RALGAPA2: variants seen among roughly 807,000 people sequenced by gnomAD.
RALGAPA2 encodes ral GTPase-activating protein subunit alpha-2.
Under a neutral mutation model 230.4 loss-of-function variants are expected in RALGAPA2, and 139 were observed. The ratio of observed to expected loss-of-function variants is 0.60; its 90% CI spans 0.53 to 0.69. The LOEUF (loss-of-function observed/expected upper bound fraction) is 0.69, where lower values mean the gene tolerates loss of function less well. Among genes scored for constraint, RALGAPA2 ranks in the 30% least tolerant of loss-of-function variants. The pLI is 0.00. For synonymous variants in RALGAPA2, 847 were observed against 837.8 expected, an observed-to-expected ratio of 1.01 and a Z score of -0.19; for missense variants, 2,163 against 2,276.0, an observed-to-expected ratio of 0.95 and a Z score of 1.01.
At chr20:20,416,465 A>T (rs895077110) in intron 37 of RALGAPA2, among the ~76,000 whole-genome samples, 1 of 152,196 alleles carries the variant, frequency 6.6e-6, no homozygotes, top group Non-Finnish European at 1.5e-5. Flanking sequence ...CAGGTCCTCT[A>T]ACCTTTACTG....
At chr20:20,620,664 A>C (rs750749312) in intron 10 of RALGAPA2, 34 bp from the exon 11 acceptor site, 1 of 1,556,644 alleles carries the variant, frequency 6.4e-7, no homozygotes, top group Non-Finnish European at 8.7e-7. Context: ...CTTTAACTAC[A>C]AACACACTCA....
chr20:20,455,818 T>C lies in RALGAPA2; in HGVS notation c.5495+17011A>G, dbSNP rs560893539. On this transcript the variant is annotated intron_variant, in intron 37 of 39. Coordinates refer to ENST00000202677, the MANE Select transcript of RALGAPA2 (RefSeq NM_020343.4). Reference sequence around the variant, plus strand: ...ATCTCAATGATACAATTTATATGGTTTTCAAAAGATTTTGGGGGAGACAAC... The same window carrying C: ...ATCTCAATGATACAATTTATATGGTCTTCAAAAGATTTTGGGGGAGACAAC... 2.6e-5 allele frequency among the ~76,000 whole-genome samples: 4 copies of C among 152,320 alleles called. No homozygotes were observed. The South Asian group carries it at 8.3e-4, about 32-fold the overall frequency.
chr20:20,493,002 A>AATGTTAAC (rs1345234458), intron 36 of RALGAPA2, among the ~76,000 whole-genome samples: 1 of 152,232 alleles, frequency 6.6e-6, no homozygotes, highest in African/African-American at 2.4e-5. Flanking sequence ...TAAATCGGTT[A>AATGTTAAC]ATGTTAACAT....
At chr20:20,707,532 G>A (rs2069653758) in intron 1 of RALGAPA2, among the ~76,000 whole-genome samples, 1 of 152,152 alleles carries the variant, frequency 6.6e-6, no homozygotes, top group Non-Finnish European at 1.5e-5. Context: ...CATCAAAAAT[G>A]CTAATGATAA....
Position 20,566,734 on chromosome 20 carries a change from C to A in RALGAPA2, c.3156+4724G>T, listed in dbSNP as rs574257988. ...GATAAGGGAGCCAGAGCACAGCAAA[C>A]CCAAATGATTTGGCTAATAAGTAAC... On this transcript the variant is annotated intron_variant, in intron 23 of 39. Transcript: ENST00000202677. Among the ~76,000 whole-genome samples, 5 of 152,308 alleles carry A rather than the reference C, an allele frequency of 3.3e-5. No individual in the cohort carries two copies. In the East Asian group the frequency reaches 9.7e-4, roughly 29 times the overall value.
At chr20:20,706,583 C>T (rs1050304308) in intron 1 of RALGAPA2, among the ~76,000 whole-genome samples, 1 of 152,130 alleles carries the variant, frequency 6.6e-6, no homozygotes, top group Non-Finnish European at 1.5e-5. Context: ...TATCGTCTGC[C>T]CATGCTCAAA....
chr20:20,655,315 C>CA (rs1343622097), intron 3 of RALGAPA2, among the ~76,000 whole-genome samples: 2 of 149,510 alleles, frequency 1.3e-5, no homozygotes, highest in African/African-American at 2.5e-5. Flanking sequence ...TATCAGTTAG[C>CA]AAAAAAAAAT....
At chr20:20,680,550 C>T (rs2068482959) in intron 2 of RALGAPA2, 141 bp downstream of exon 2, 1 of 1,231,660 alleles carries the variant, frequency 8.1e-7, no homozygotes, top group Non-Finnish European at 1.1e-6. Flanking sequence ...AAAGATGCCA[C>T]CCTGTCCACC....
At chr20:20,508,231 T>C (rs115691195) in intron 33 of RALGAPA2, among the ~76,000 whole-genome samples, 2 of 152,320 alleles carry the variant, frequency 1.3e-5, no homozygotes, top group African/African-American at 4.8e-5. Flanking sequence ...GCAGAAGCTG[T>C]GTCTGGCCTT....
chr20:20,628,849 C>A (rs1459150762), intron 10 of RALGAPA2, among the ~76,000 whole-genome samples: 1 of 152,130 alleles, frequency 6.6e-6, no homozygotes, highest in Non-Finnish European at 1.5e-5. Flanking sequence ...GGCCTCTGCT[C>A]CTTTCTTTCC....
At chr20:20,492,448 G>A (rs181338362) in intron 36 of RALGAPA2, among the ~76,000 whole-genome samples, 31 of 152,264 alleles carry the variant, frequency 2.0e-4, no homozygotes, top group Admixed American at 2.0e-3. Context: ...AAAAAATACG[G>A]ATTTTGGTGG....
intron 12 of RALGAPA2, among the ~76,000 whole-genome samples, chr20:20,618,911 A>G (rs1026635616): frequency 3.9e-5 from 6 of 152,242 alleles, no homozygotes; most frequent in African/African-American, 1.2e-4. Context: ...ATAAGATTTT[A>G]TAATTGCCAA....
At chr20:20,521,873 T>C (rs1427524658) in intron 30 of RALGAPA2, among the ~76,000 whole-genome samples, 4 of 152,262 alleles carry the variant, frequency 2.6e-5, no homozygotes, top group Non-Finnish European at 5.9e-5. Context: ...AATTCACTTT[T>C]AGATGACTAG....
At chr20:20,568,583 A>G (rs1014327261) in intron 23 of RALGAPA2, among the ~76,000 whole-genome samples, 1 of 152,252 alleles carries the variant, frequency 6.6e-6, no homozygotes, top group African/African-American at 2.4e-5. Flanking sequence ...AAACTAAAAA[A>G]TGTCTTCAAT....
intron 23 of RALGAPA2, among the ~76,000 whole-genome samples, chr20:20,568,317 C>A (rs930164402): frequency 5.9e-5 from 9 of 152,118 alleles, no homozygotes; most frequent in Admixed American, 6.6e-5. Context: ...GGGGGAAATA[C>A]TACTTGATAA....
Position 20,629,344 on chromosome 20 carries a change from C to CAG in RALGAPA2, c.1233+18_1233+19insCT. 1.3e-6 allele frequency: 2 copies of CAG among 1,536,500 alleles called. No individual in the cohort carries two copies. Among genetic ancestry groups the CAG allele is most frequent in the Non-Finnish European group, 1.8e-6 (2 of 1,129,098 alleles). On this transcript the variant is annotated intron_variant, in intron 10 of 39. Coordinates refer to ENST00000202677, the MANE Select transcript of RALGAPA2 (RefSeq NM_020343.4). ...TAACACACACACACACACACACACA[C>CAG]ACACACACACACACTAACCTGGTGA...
intron 37 of RALGAPA2, among the ~76,000 whole-genome samples, chr20:20,439,460 G>C (rs543965291): frequency 6.6e-6 from 1 of 152,188 alleles, no homozygotes; most frequent in African/African-American, 2.4e-5. Context: ...CGATCCACTG[G>C]CCTCAGCCTC....
intron 37 of RALGAPA2, among the ~76,000 whole-genome samples, chr20:20,450,004 C>G (rs561521347): frequency 6.6e-6 from 1 of 152,348 alleles, no homozygotes. Context: ...AGATGATACT[C>G]TTATTTTCAT....
intron 13 of RALGAPA2, among the ~76,000 whole-genome samples, chr20:20,613,546 G>A (rs1220052151): frequency 1.3e-5 from 2 of 152,188 alleles, no homozygotes; most frequent in African/African-American, 4.8e-5. Context: ...GGCACACAGG[G>A]AGGTAGCTGG....
Sources: allele counts gnomAD v4.1 joint callset (sites outside exome capture counted in the v4.1 genomes callset), GRCh38; gene constraint gnomAD v4.1.1; transcripts MANE v1.5; gene names NCBI Gene and HGNC (gene_info 2026-07-23, HGNC 2026-07-21).